The following SLC24A3 variants were observed in gnomAD, a reference collection of about 807,000 sequenced individuals.
SLC24A3 encodes the protein solute carrier family 24 member 3.
In SLC24A3, 28 loss-of-function variants were observed where a neutral mutation model predicts 75.8. The observed-to-expected ratio is 0.37, with a 90% confidence interval of 0.27 to 0.51. The LOEUF (loss-of-function observed/expected upper bound fraction) is 0.51, where lower values mean the gene tolerates loss of function less well. Ranked by LOEUF, SLC24A3 falls within the 20% of genes least tolerant of loss-of-function variation. The probability of loss-of-function intolerance (pLI) is 0.94; values close to 1 mark genes in which losing one functional copy is unlikely to be tolerated. For missense variants in SLC24A3, 663 were observed against 847.8 expected (o/e 0.78, Z 2.71); for synonymous variants, 372 against 334.1 (o/e 1.11, Z -1.24).
At chr20:19,609,553 G>C (rs2122661731) in intron 6 of SLC24A3, among the ~76,000 whole-genome samples, 1 of 152,072 alleles carries the variant, frequency 6.6e-6, no homozygotes, top group South Asian at 2.1e-4. Context: ...TTGTCCTAAT[G>C]CTCTCCCTCC....
chr20:19,504,160 C>T (rs2294896), intron 2 of SLC24A3, among the ~76,000 whole-genome samples: 16,550 of 152,158 alleles, frequency 0.11, 1,070 homozygotes, highest in East Asian at 0.33. Context: ...GACTAATTTT[C>T]TATCCTTAAA....
At chr20:19,367,439 G>A (rs1985911845) in intron 2 of SLC24A3, among the ~76,000 whole-genome samples, 1 of 150,498 alleles carries the variant, frequency 6.6e-6, no homozygotes, top group East Asian at 1.9e-4. Context: ...ACAGGCTTGG[G>A]AAAAAACAAA....
chr20:19,681,828 T>A, intron 9 of SLC24A3, 30 bp from the exon 10 acceptor site: 1 of 1,613,666 alleles, frequency 6.2e-7, no homozygotes, highest in Non-Finnish European at 8.5e-7. Context: ...AAAACACTGA[T>A]GGACTCTGCC....
intron 2 of SLC24A3, among the ~76,000 whole-genome samples, chr20:19,326,934 C>A (rs1984876534): frequency 6.6e-6 from 1 of 152,124 alleles, no homozygotes; most frequent in African/African-American, 2.4e-5. Context: ...AAAGTAGATC[C>A]TGCCAATAAT....
chr20:19,274,137 C>T (rs994027918), intron 1 of SLC24A3, among the ~76,000 whole-genome samples: 6 of 151,374 alleles, frequency 4.0e-5, no homozygotes, highest in Non-Finnish European at 4.4e-5. Flanking sequence ...GGAGGTGTAG[C>T]GCCTTGACAC....
chr20:19,708,168 T>C (rs1302970648), intron 15 of SLC24A3, among the ~76,000 whole-genome samples: 1 of 152,082 alleles, frequency 6.6e-6, no homozygotes, highest in Non-Finnish European at 1.5e-5. Context: ...AAGGTCCTTC[T>C]TCTAAGGCCA....
At chr20:19,658,765 T>A (rs1032168861) in intron 7 of SLC24A3, among the ~76,000 whole-genome samples, 7 of 151,902 alleles carry the variant, frequency 4.6e-5, no homozygotes, top group Non-Finnish European at 8.8e-5. Context: ...CCTGAAAGAG[T>A]TCTAGGTTCT....
At chr20:19,634,117 C>T (rs921538118) in intron 6 of SLC24A3, among the ~76,000 whole-genome samples, 3 of 152,134 alleles carry the variant, frequency 2.0e-5, no homozygotes, top group African/African-American at 7.2e-5. Context: ...ACTGAGACAT[C>T]GCCAGTCAAA....
Position 19,721,043 on chromosome 20 carries a change from G to T in SLC24A3, c.1838G>T (p.Gly613Val). ...KWQLDKKLGC[G>V]CLLLYGVFLC... Reference sequence around the variant, plus strand: ...CAGCTGGACAAGAAGCTGGGCTGTGGGTGCCTCCTCCTGTATGGTGTGTTC... The same window carrying T: ...CAGCTGGACAAGAAGCTGGGCTGTGTGTGCCTCCTCCTGTATGGTGTGTTC... The change falls in exon 17 of 17, where the codon GGG becomes GTG. Residue 613 changes from glycine (G) to valine (V), a missense_variant. Transcript: ENST00000328041. The T allele has an allele frequency of 1.9e-6, 3 of 1,614,080 alleles. No individual in the cohort carries two copies. Among genetic ancestry groups the T allele is most frequent in the Non-Finnish European group, 2.5e-6 (3 of 1,180,020 alleles).
chr20:19,527,838 C>T (rs1267317252), intron 3 of SLC24A3, among the ~76,000 whole-genome samples: 1 of 152,208 alleles, frequency 6.6e-6, no homozygotes, highest in Non-Finnish European at 1.5e-5. Context: ...AATTATTTCC[C>T]TGAAGGATTG....
At chr20:19,577,955 A>T (rs2122629722) in intron 3 of SLC24A3, among the ~76,000 whole-genome samples, 1 of 152,306 alleles carries the variant, frequency 6.6e-6, no homozygotes, top group Middle Eastern at 3.4e-3. Context: ...TTTCCACAGG[A>T]TCTAGTGTTA....
At chr20:19,424,926 A>G (rs1288064464) in intron 2 of SLC24A3, among the ~76,000 whole-genome samples, 1 of 152,188 alleles carries the variant, frequency 6.6e-6, no homozygotes, top group East Asian at 1.9e-4. Flanking sequence ...AAGGAACTTT[A>G]TAGGTCTCCT....
intron 12 of SLC24A3, among the ~76,000 whole-genome samples, chr20:19,690,030 CAAA>C (rs538406361): frequency 3.8e-4 from 33 of 87,796 alleles, no homozygotes; most frequent in East Asian, 2.4e-3. Context: ...GACTCTGTCT[CAAA>C]AAAAAAAAAA....
chr20:19,645,637 A>T (rs1270250483), intron 6 of SLC24A3, among the ~76,000 whole-genome samples: 2 of 152,170 alleles, frequency 1.3e-5, no homozygotes, highest in East Asian at 3.8e-4. Context: ...TTTCCAAGAG[A>T]AACCAAAAGT....
In SLC24A3 at chr20:19,645,267, G is replaced by A. The variant is rs181691921; in HGVS notation, c.613-8795G>A. Reference sequence around the variant, plus strand: ...TATTCTGCAAAGGGATCCACAGAGTGTCAGGGGCGCATAGCACAGAAAATG... The same window carrying A: ...TATTCTGCAAAGGGATCCACAGAGTATCAGGGGCGCATAGCACAGAAAATG... On this transcript the variant is annotated intron_variant, in intron 6 of 16. Transcript: ENST00000328041. Among the ~76,000 whole-genome samples the A allele has an allele frequency of 1.8e-4, 27 of 152,308 alleles. No homozygotes were observed. The East Asian group carries it at 5.0e-3, about 28-fold the overall frequency.
intron 2 of SLC24A3, among the ~76,000 whole-genome samples, chr20:19,468,826 A>C (rs1477625041): frequency 6.6e-6 from 1 of 152,118 alleles, no homozygotes; most frequent in Non-Finnish European, 1.5e-5. Flanking sequence ...CTGAGATGAG[A>C]GGGGCAAGGA....
At chr20:19,244,802 A>G (rs1757464581) in intron 1 of SLC24A3, among the ~76,000 whole-genome samples, 1 of 152,234 alleles carries the variant, frequency 6.6e-6, no homozygotes, top group African/African-American at 2.4e-5. Flanking sequence ...GCTGGATAAT[A>G]TCACAGCAGA....
chr20:19,345,605 A>G (rs1985374661), intron 2 of SLC24A3, among the ~76,000 whole-genome samples: 1 of 152,142 alleles, frequency 6.6e-6, no homozygotes, highest in Admixed American at 6.5e-5. Flanking sequence ...AAAACAAACA[A>G]TCCCATCAAA....
Position 19,273,154 on chromosome 20 carries a change from C to T in SLC24A3, c.143-7805C>T, listed in dbSNP as rs114396695. 1.0e-3 allele frequency among the ~76,000 whole-genome samples: 159 copies of T among 152,314 alleles called. 1 individual carries two copies. The highest frequency in any genetic ancestry group is 3.7e-3 in the African/African-American group (154 of 41,570). ...GGCCATCCCTTGTTCCCAAGGCCAC[C>T]CTTGCCAGGGGCTCAGCCAGTCTCC... On this transcript the variant is annotated intron_variant, in intron 1 of 16. Transcript: ENST00000328041.
Sources: gnomAD v4.1 joint callset for allele counts (sites outside exome capture counted in the v4.1 genomes callset) on GRCh38, gnomAD v4.1.1 for gene constraint, MANE v1.5 for transcripts, NCBI Gene and HGNC (gene_info 2026-07-23, HGNC 2026-07-21) for gene names.